Variants in KHDRBS3 observed in about 807,000 individuals in gnomAD.
The protein encoded by KHDRBS3 is KH domain-containing, RNA-binding, signal transduction-associated protein 3.
Under a neutral mutation model 45.6 loss-of-function variants are expected in KHDRBS3, and 23 were observed. The ratio of observed to expected loss-of-function variants is 0.50; its 90% CI spans 0.36 to 0.72. The LOEUF (loss-of-function observed/expected upper bound fraction) is 0.72, where lower values mean the gene tolerates loss of function less well. Among genes scored for constraint, KHDRBS3 ranks in the 30% least tolerant of loss-of-function variants. The pLI is 0.00. For synonymous variants in KHDRBS3, 162 were observed against 156.5 expected, an observed-to-expected ratio of 1.04 and a Z score of -0.26; for missense variants, 352 against 424.8, an observed-to-expected ratio of 0.83 and a Z score of 1.51.
intron 2 of KHDRBS3, chr8:135,538,679 CCT>C (rs1825895594): frequency 6.6e-6 from 1 of 152,096 alleles, no homozygotes; most frequent in Non-Finnish European, 1.5e-5. Flanking sequence ...TGCTGAGAAA[CCT>C]CTGTGTTCAC....
intron 6 of KHDRBS3, among the ~76,000 whole-genome samples, chr8:135,605,902 C>T (rs913676548): frequency 2.6e-5 from 4 of 151,812 alleles, no homozygotes; most frequent in African/African-American, 7.3e-5. Flanking sequence ...AGTTTTTTTG[C>T]GTGTCTCAGT....
chr8:135,586,103 T>A (rs1213819270), intron 6 of KHDRBS3, among the ~76,000 whole-genome samples: 1 of 152,180 alleles, frequency 6.6e-6, no homozygotes, highest in Non-Finnish European at 1.5e-5. Flanking sequence ...TAAAGAAGGA[T>A]GTAATATTTG....
intron 5 of KHDRBS3, among the ~76,000 whole-genome samples, chr8:135,562,002 A>G (rs998427255): frequency 1.3e-5 from 2 of 152,190 alleles, no homozygotes; most frequent in Non-Finnish European, 2.9e-5. Context: ...TTAAAAGTTG[A>G]CAAATTTTAA....
chr8:135,537,779 A>G (rs534242483), intron 2 of KHDRBS3, among the ~76,000 whole-genome samples: 2 of 152,348 alleles, frequency 1.3e-5, no homozygotes, highest in East Asian at 3.9e-4. Flanking sequence ...ATTTCCATGT[A>G]AGTGAACAAA....
intron 1 of KHDRBS3, among the ~76,000 whole-genome samples, chr8:135,516,282 G>A (rs1366807182): frequency 6.6e-6 from 1 of 152,314 alleles, no homozygotes; most frequent in East Asian, 1.9e-4. Flanking sequence ...TGAGTCAGTG[G>A]TTGAGTGGTG....
At chr8:135,546,898 A>C (rs1826332951) in intron 3 of KHDRBS3, among the ~76,000 whole-genome samples, 2 of 152,200 alleles carry the variant, frequency 1.3e-5, no homozygotes, top group South Asian at 4.1e-4. Context: ...TACCCTGGCT[A>C]CAGCTATGAT....
chr8:135,632,581 C>T (rs1275690796), intron 7 of KHDRBS3, among the ~76,000 whole-genome samples: 1 of 152,048 alleles, frequency 6.6e-6, no homozygotes, highest in Non-Finnish European at 1.5e-5. Context: ...TAACGTGTCC[C>T]AAATCAAACT....
rs1323410619 is a variant in KHDRBS3, at chr8:135,647,027, A to G, written c.984A>G (p.Ala328=). The part of the protein sequence containing the change: ...QEEWTNSRHK[A]PSARTAKGVY... ...AGTGGACTAACTCAAGACACAAGGCACCTTCAGCGAGGACAGCAAAGGGCG... is the reference window on the plus strand; with the variant it reads ...AGTGGACTAACTCAAGACACAAGGCGCCTTCAGCGAGGACAGCAAAGGGCG... Residue 328 remains alanine, a synonymous_variant, in exon 9 of 9, where the codon GCA becomes GCG. Transcript: ENST00000355849. 2 of 1,609,558 alleles carry G rather than the reference A, an allele frequency of 1.2e-6. No homozygotes were observed. Among genetic ancestry groups the G allele is most frequent in the African/African-American group, 2.7e-5 (2 of 74,814 alleles).
At chr8:135,503,346 CATAT>C (rs763455033) in intron 1 of KHDRBS3, among the ~76,000 whole-genome samples, 6 of 152,186 alleles carry the variant, frequency 3.9e-5, no homozygotes, top group Non-Finnish European at 8.8e-5. Flanking sequence ...GGGAAGCCAA[CATAT>C]TTTTTCCCTG....
intron 1 of KHDRBS3, chr8:135,458,267 C>T (rs1190978001): frequency 8.3e-6 from 8 of 967,538 alleles, no homozygotes; most frequent in Admixed American, 4.8e-5. Context: ...CTGGGGGCTT[C>T]GTTGGGAACG....
chr8:135,627,415 C>T (rs1472565127), intron 7 of KHDRBS3, among the ~76,000 whole-genome samples: 1 of 152,170 alleles, frequency 6.6e-6, no homozygotes, highest in Admixed American at 6.5e-5. Flanking sequence ...ATAAATTTTG[C>T]TTCTATCTCA....
intron 5 of KHDRBS3, among the ~76,000 whole-genome samples, chr8:135,563,122 C>T (rs561984853): frequency 6.6e-6 from 1 of 152,314 alleles, no homozygotes; most frequent in East Asian, 1.9e-4. Flanking sequence ...ATCTTCCATA[C>T]TTAAAATCCT....
chr8:135,627,710 TGAG>T (rs916565446), intron 7 of KHDRBS3, among the ~76,000 whole-genome samples: 6 of 152,210 alleles, frequency 3.9e-5, no homozygotes, highest in East Asian at 1.9e-4. Flanking sequence ...CACATAACCA[TGAG>T]GAGAACATTT....
At chr8:135,608,248 T>G (rs4398958) in intron 7 of KHDRBS3, among the ~76,000 whole-genome samples, 2 of 152,116 alleles carry the variant, frequency 1.3e-5, no homozygotes, top group African/African-American at 4.8e-5. Context: ...AAGTCAGATA[T>G]TCTAACTCAA....
chr8:135,505,052 G>A (rs1823921208), intron 1 of KHDRBS3, among the ~76,000 whole-genome samples: 1 of 152,150 alleles, frequency 6.6e-6, no homozygotes, highest in Admixed American at 6.5e-5. Flanking sequence ...ATATGCTGAT[G>A]CCCAGGAAAG....
chr8:135,462,224 CT>C, intron 1 of KHDRBS3, among the ~76,000 whole-genome samples: 1 of 143,964 alleles, frequency 6.9e-6, no homozygotes, highest in Non-Finnish European at 1.5e-5. Flanking sequence ...TATTGTTTTT[CT>C]TTGTGTTATC....
chr8:135,482,273 A>C (rs1013510974), intron 1 of KHDRBS3, among the ~76,000 whole-genome samples: 1 of 152,226 alleles, frequency 6.6e-6, no homozygotes. Flanking sequence ...GTCCATAGGC[A>C]GAAAGAAAAA....
At chr8:135,621,184 T>C (rs1028693316) in intron 7 of KHDRBS3, among the ~76,000 whole-genome samples, 1 of 152,146 alleles carries the variant, frequency 6.6e-6, no homozygotes, top group African/African-American at 2.4e-5. Context: ...TATTTTTTAA[T>C]CTGAGTCTTG....
chr8:135,555,346 ACT>A (rs1826823528), intron 4 of KHDRBS3, among the ~76,000 whole-genome samples: 1 of 151,016 alleles, frequency 6.6e-6, no homozygotes, highest in Non-Finnish European at 1.5e-5. Flanking sequence ...AAATCCGTAA[ACT>A]CTCTTAAAAT....
Sources: gnomAD v4.1 joint callset for allele counts (sites outside exome capture counted in the v4.1 genomes callset) on GRCh38, gnomAD v4.1.1 for gene constraint, MANE v1.5 for transcripts, NCBI Gene and HGNC (gene_info 2026-07-23, HGNC 2026-07-21) for gene names.